Variants in FBXL18 observed in about 807,000 individuals in gnomAD.
FBXL18 encodes F-box and leucine rich repeat protein 18.
A neutral mutation model predicts 46.0 loss-of-function variants in FBXL18; 36 were observed. The ratio of observed to expected loss-of-function variants is 0.78; its 90% CI spans 0.60 to 1.03. The LOEUF is 1.03. Ranked by LOEUF, FBXL18 falls within the 50% of genes least tolerant of loss-of-function variation. FBXL18 has a pLI of 0.00. For synonymous variants in FBXL18, 557 were observed against 465.3 expected, an observed-to-expected ratio of 1.20 and a Z score of -2.54; for missense variants, 977 against 1,004.1, an observed-to-expected ratio of 0.97 and a Z score of 0.36.
chr7:5,473,984 A>C (rs1783467915), downstream of FBXL18, among the ~76,000 whole-genome samples: 1 of 151,736 alleles, frequency 6.6e-6, no homozygotes, highest in African/African-American at 2.4e-5. Context: ...TTTTGTAGAG[A>C]TGGGGTTTCA....
At chr7:5,484,520 CT>C (rs199600428) in intron 4 of FBXL18, among the ~76,000 whole-genome samples, 4 of 144,054 alleles carry the variant, frequency 2.8e-5, no homozygotes, top group East Asian at 2.1e-4. Flanking sequence ...GGTGATTTTT[CT>C]TTTTTTTTCG....
chr7:5,509,701 C>CAAAAAAAAAA lies in FBXL18; in HGVS notation c.18+3946_18+3955dup, dbSNP rs761762119. 7.3e-4 allele frequency among the ~76,000 whole-genome samples: 48 copies of CAAAAAAAAAA among 65,496 alleles called. 3 individuals carry two copies. The highest frequency in any genetic ancestry group is 8.6e-4 in the Non-Finnish European group (27 of 31,464). 43.0% of individuals were successfully genotyped at this position (65,496 alleles called of 152,430 possible). ...TGGGTGACAGAGTGAGATTCCATCT[C>CAAAAAAAAAA]AAAAAAAAAAAAAAAAAAGAGAAGT... On this transcript the variant is annotated intron_variant, in intron 1 of 4. Coordinates refer to ENST00000382368, the MANE Select transcript of FBXL18 (RefSeq NM_024963.6).
Position 5,477,986 on chromosome 7 carries a change from C to G in FBXL18, c.*3789G>C, listed in dbSNP as rs1783555379. On this transcript the variant is annotated 3_prime_UTR_variant, in exon 5 of 5. Coordinates refer to ENST00000382368, the MANE Select transcript of FBXL18 (RefSeq NM_024963.6). This position sits in a 1 kb window ranked among gnomAD's most constrained non-coding sequence, Gnocchi z 4.4. ...AAGCCCTCCAGGCCCACGCCTGAGCCCAGCCCCGGTCCCCTGGGTCCAACG... is the reference window on the plus strand; with the variant it reads ...AAGCCCTCCAGGCCCACGCCTGAGCGCAGCCCCGGTCCCCTGGGTCCAACG... The G allele has an allele frequency of 6.6e-6, 1 of 152,444 alleles. No individual in the cohort carries two copies. Among genetic ancestry groups the G allele is most frequent in the African/African-American group, 2.4e-5 (1 of 41,482 alleles). 9.4% of individuals were successfully genotyped at this position (152,444 alleles called of 1,614,324 possible). A position where few individuals can be genotyped will look rare whatever the true frequency, so the allele number is the denominator to read the frequency against.
chr7:5,496,303 C>T lies in FBXL18; in HGVS notation c.1781+4185G>A, dbSNP rs960556185. ...CATGAGCCCAAAGGTCCCCTCCACC[C>T]GCGGTGGCTGCCGTCACCTCTGCCT... On this transcript the variant is annotated intron_variant, in intron 3 of 4. Coordinates refer to ENST00000382368, the MANE Select transcript of FBXL18 (RefSeq NM_024963.6). The surrounding 1 kb of genome is among the most constrained non-coding windows in gnomAD (Gnocchi z 4.8). 6.6e-6 allele frequency among the ~76,000 whole-genome samples: 1 copy of T among 152,180 alleles called. No homozygotes were observed. Among genetic ancestry groups the T allele is most frequent in the East Asian group, 1.9e-4 (1 of 5,198 alleles).
rs577954402 is a variant in FBXL18 at position 5,494,738 on chromosome 7, C to T, written c.1782-3289G>A. On this transcript the variant is annotated intron_variant, in intron 3 of 4. Coordinates refer to ENST00000382368, the MANE Select transcript of FBXL18 (RefSeq NM_024963.6). ...CAAAGCAAAAGCAGGAGGCTCCAGA[C>T]AGCAGGAGATGGAAACGGGGCGTTG... 5.2e-3 allele frequency among the ~76,000 whole-genome samples: 788 copies of T among 152,254 alleles called. 6 individuals are homozygous for T. Among genetic ancestry groups the T allele is most frequent in the African/African-American group, 0.018 (751 of 41,540 alleles).
Position 5,501,197 on chromosome 7 carries a change from A to G in FBXL18, c.1072T>C (p.Ser358Pro), listed in dbSNP as rs1307195536. ...GCCTTGCGGAGCAGCGAGTCTGGGG[A>G]CAGGCAGTGGACGCAGCCGCTGAGG... ...LNLSGCVHCLSPDSLLRKAED... is the reference protein window; with the variant it reads ...LNLSGCVHCLPPDSLLRKAED... Residue 358 changes from serine (S) to proline (P), a missense_variant, in exon 3 of 5, where the codon TCC (serine) becomes CCC (proline). By Grantham distance (74) the Ser-to-Pro change is moderately conservative (BLOSUM62 -1). Transcript: ENST00000382368. The G allele has an allele frequency of 6.2e-7, 1 of 1,613,302 alleles. No homozygotes were observed.
At chr7:5,506,063 C>T (rs1275687149) in intron 1 of FBXL18, among the ~76,000 whole-genome samples, 2 of 150,904 alleles carry the variant, frequency 1.3e-5, no homozygotes, top group African/African-American at 2.4e-5. Context: ...ACGGGGTTTC[C>T]CTATGTTGCT....
chr7:5,507,904 G>T (rs1426741338), intron 1 of FBXL18, among the ~76,000 whole-genome samples: 2 of 151,886 alleles, frequency 1.3e-5, no homozygotes, highest in Non-Finnish European at 2.9e-5. Flanking sequence ...GGGAGGCTGA[G>T]GAGGGCAGAT....
intron 4 of FBXL18, among the ~76,000 whole-genome samples, chr7:5,456,448 AC>A (rs1285103548): frequency 6.6e-6 from 1 of 152,036 alleles, no homozygotes; most frequent in African/African-American, 2.4e-5. Flanking sequence ...TCAATTACAA[AC>A]CCTGGGAAGT....
chr7:5,513,580 C>T, intron 1 of FBXL18, 77 bp downstream of exon 1: 1 of 1,547,420 alleles, frequency 6.5e-7, no homozygotes, highest in South Asian at 1.1e-5. Flanking sequence ...GCAAGGGAAC[C>T]CGGGTCGGGA....
downstream of FBXL18, among the ~76,000 whole-genome samples, chr7:5,470,967 C>T (rs1015165993): frequency 4.6e-5 from 7 of 152,288 alleles, no homozygotes; most frequent in Admixed American, 1.3e-4. Context: ...CTCCCTCATC[C>T]GTGCAGAGCA....
At chr7:5,488,739 C>T (rs1488962671) in intron 4 of FBXL18, among the ~76,000 whole-genome samples, 3 of 152,324 alleles carry the variant, frequency 2.0e-5, no homozygotes, top group East Asian at 1.9e-4. Context: ...GGCGAAGGCC[C>T]GAGGCTCTTC....
intron 4 of FBXL18, among the ~76,000 whole-genome samples, chr7:5,470,161 C>T (rs1166747525): frequency 6.6e-6 from 1 of 152,146 alleles, no homozygotes; most frequent in Non-Finnish European, 1.5e-5. Context: ...TGGGGCACCT[C>T]CCCTGCCAGC....
At chr7:5,461,913 C>G (rs1484708722) in intron 4 of FBXL18, among the ~76,000 whole-genome samples, 1 of 152,028 alleles carries the variant, frequency 6.6e-6, no homozygotes, top group African/African-American at 2.4e-5. Context: ...TGCACTCCAG[C>G]CTGGGAGACA....
rs377158535 is a variant in FBXL18 at position 5,495,551 on chromosome 7, G to A, written c.1782-4102C>T. Among the ~76,000 whole-genome samples, 18 of 152,224 alleles carry A rather than the reference G, an allele frequency of 1.2e-4. No individual in the cohort carries two copies. In the Middle Eastern group the frequency reaches 0.014, roughly 115 times the overall value. Reference sequence around the variant, plus strand: ...CTCCTTCCTGCACCACCCCCTCCCTGCCAGGAGCCCCAGCAAGCACAAAGC... The same window carrying A: ...CTCCTTCCTGCACCACCCCCTCCCTACCAGGAGCCCCAGCAAGCACAAAGC... On this transcript the variant is annotated intron_variant, in intron 3 of 4. Coordinates refer to ENST00000382368, the MANE Select transcript of FBXL18 (RefSeq NM_024963.6).
Position 5,481,558 on chromosome 7 carries a change from T to A in FBXL18, c.*217A>T. Reference sequence around the variant, plus strand: ...CACATCGACCGTCCCCCGAGCCCCCTCATGTCACCCAGAACGCATCCCCTC... The same window carrying A: ...CACATCGACCGTCCCCCGAGCCCCCACATGTCACCCAGAACGCATCCCCTC... On this transcript the variant is annotated 3_prime_UTR_variant, in exon 5 of 5. Coordinates refer to ENST00000382368, the MANE Select transcript of FBXL18 (RefSeq NM_024963.6). 5.9e-6 allele frequency: 2 copies of A among 337,846 alleles called. No homozygotes were observed. Among genetic ancestry groups the A allele is most frequent in the East Asian group, 5.0e-5 (1 of 20,152 alleles). 20.9% of individuals were successfully genotyped at this position (337,846 alleles called of 1,614,324 possible).
At chr7:5,498,547 G>A (rs565676362) in intron 3 of FBXL18, among the ~76,000 whole-genome samples, 29 of 152,256 alleles carry the variant, frequency 1.9e-4, no homozygotes, top group South Asian at 1.2e-3. Flanking sequence ...GAGCCGCCAC[G>A]CCCGGCCCAT....
rs921323751 is a variant in FBXL18, at chr7:5,491,371, G to C, written c.1860C>G (p.Cys620Trp). The C allele has an allele frequency of 6.2e-7, 1 of 1,609,594 alleles. No individual in the cohort carries two copies. Among genetic ancestry groups the C allele is most frequent in the Non-Finnish European group, 8.5e-7 (1 of 1,178,794 alleles). Residue 620 changes from cysteine to tryptophan, a missense_variant, in exon 4 of 5, where the codon TGC becomes TGG. Transcript: ENST00000382368. The stretch of plus-strand genomic sequence containing the variant: ...GGAGGGTGCCGCTGCGAGAGACCAG[G>C]CACAGGCGCTGCAGCGAGGGGCACT... ...LSQCPSLQRL[C>W]LVSRSGTLQP... is the part of the protein sequence containing the mutation.
chr7:5,493,531 T>G (rs1035671663), intron 3 of FBXL18, among the ~76,000 whole-genome samples: 19 of 151,934 alleles, frequency 1.3e-4, no homozygotes, highest in Admixed American at 1.0e-3. Flanking sequence ...TCCTGACCAC[T>G]TGCTCCACCC....
Sources: allele counts gnomAD v4.1 joint callset (sites outside exome capture counted in the v4.1 genomes callset), GRCh38; gene constraint gnomAD v4.1.1; non-coding constraint Gnocchi (gnomAD v3.1); transcripts MANE v1.5; gene names NCBI Gene and HGNC (gene_info 2026-07-23, HGNC 2026-07-21).